Variants in TMEM43 observed in about 807,000 individuals in gnomAD.
TMEM43 encodes the protein transmembrane protein 43, also known as arrhythmogenic right ventricular dysplasia 5.
Under a neutral mutation model 49.6 loss-of-function variants are expected in TMEM43, and 45 were observed. The ratio of observed to expected loss-of-function variants is 0.91; its 90% CI spans 0.71 to 1.16. The LOEUF (loss-of-function observed/expected upper bound fraction) is 1.16. Among genes scored for constraint, TMEM43 ranks in the 50% most tolerant of loss-of-function variants. TMEM43 has a pLI of 0.00. For missense variants in TMEM43, 532 were observed against 516.6 expected (o/e 1.03, Z -0.29); for synonymous variants, 199 against 207.8 (o/e 0.96, Z 0.36).
intron 3 of TMEM43, 129 bp from the exon 4 acceptor site, chr3:14,131,451 G>A (rs1467937419): frequency 3.9e-6 from 3 of 777,740 alleles, no homozygotes; most frequent in African/African-American, 3.4e-5. Flanking sequence ...GCAAAGCAGT[G>A]TAGGGCTCTC....
chr3:14,127,131 C>CGT (rs150040143), intron 1 of TMEM43, among the ~76,000 whole-genome samples: 5 of 151,570 alleles, frequency 3.3e-5, no homozygotes, highest in South Asian at 2.1e-4. Flanking sequence ...TCTGTGTGTG[C>CGT]GTGTGTGTGT....
chr3:14,126,775 C>G (rs1343447233), intron 1 of TMEM43, among the ~76,000 whole-genome samples: 4 of 152,118 alleles, frequency 2.6e-5, no homozygotes, highest in African/African-American at 9.7e-5. Context: ...TTTTTTGATT[C>G]ATCCAGTAGC....
chr3:14,143,057 T>A lies in TMEM43; in HGVS notation c.*1262T>A, dbSNP rs1266042923. 1.3e-5 allele frequency: 2 copies of A among 152,208 alleles called. No homozygotes were observed. The highest frequency in any genetic ancestry group is 4.8e-5 in the African/African-American group (2 of 41,442). The allele number at this position is 152,208 out of a possible 1,614,324, so 9.4% of individuals were successfully genotyped here. A position where few individuals can be genotyped will look rare whatever the true frequency, so the allele number is the denominator to read the frequency against. ...CTGAGTGGTTCTTTCACGTGTTGTG[T>A]CCATAGCTTTAGTCTTCCTAAATAA... On this transcript the variant is annotated 3_prime_UTR_variant, in exon 12 of 12. Transcript: ENST00000306077.
chr3:14,136,041 T>C (rs1340593368), intron 10 of TMEM43, 133 bp downstream of exon 10: 3 of 825,174 alleles, frequency 3.6e-6, no homozygotes, highest in Non-Finnish European at 6.1e-6. Flanking sequence ...TAGCGGAATG[T>C]TGAGTATGCC....
At chr3:14,130,462 C>A (rs115657928) in intron 2 of TMEM43, among the ~76,000 whole-genome samples, 3,547 of 151,974 alleles carry the variant, frequency 0.023, 133 homozygotes, top group African/African-American at 0.081. Flanking sequence ...ATAGCAAGAC[C>A]CCATTTCTAC....
At position 14,131,608 on chromosome 3, in the gene TMEM43, A is replaced by G. The variant is rs1398278496; in HGVS notation, c.326A>G (p.His109Arg). Residue 109 changes from histidine to arginine, a missense_variant, in exon 4 of 12, where the codon CAT (histidine) becomes CGT (arginine). Coordinates refer to ENST00000306077, the MANE Select transcript of TMEM43 (RefSeq NM_024334.3). ...KLLSDPNYGV[H>R]LPAVKLRRHV... ...TTGTCTGATCCAAACTATGGGGTCCATCTTCCGGCTGTGAAACTGCGGAGG... is the reference window on the plus strand; with the variant it reads ...TTGTCTGATCCAAACTATGGGGTCCGTCTTCCGGCTGTGAAACTGCGGAGG... 4 of 1,614,192 alleles carry G rather than the reference A, an allele frequency of 2.5e-6. No individual in the cohort carries two copies. Among genetic ancestry groups the G allele is most frequent in the Admixed American group, 1.7e-5 (1 of 60,028 alleles).
At chr3:14,140,729 A>G (rs1695235950) in intron 11 of TMEM43, among the ~76,000 whole-genome samples, 1 of 152,232 alleles carries the variant, frequency 6.6e-6, no homozygotes, top group Non-Finnish European at 1.5e-5. Context: ...GCTTCATGAG[A>G]TGGTGCACAT....
chr3:14,126,641 A>G (rs1256790198), intron 1 of TMEM43, among the ~76,000 whole-genome samples: 1 of 152,210 alleles, frequency 6.6e-6, no homozygotes, highest in Non-Finnish European at 1.5e-5. Context: ...AATACTTGAA[A>G]ACAAGCCTGT....
At chr3:14,129,160 C>T (rs1695058639) in intron 1 of TMEM43, 1 of 406,044 alleles carries the variant, frequency 2.5e-6, no homozygotes, top group Middle Eastern at 5.3e-4. Context: ...GGAGAATTGG[C>T]AGGAAAGGGG....
intron 1 of TMEM43, among the ~76,000 whole-genome samples, chr3:14,127,778 A>G (rs892359743): frequency 2.0e-5 from 3 of 152,162 alleles, no homozygotes. Flanking sequence ...ATTCATGGAC[A>G]TCTGGTCACT....
rs150859949 is a variant in TMEM43, at chr3:14,131,690, G to A, written c.392+16G>A. The stretch of plus-strand genomic sequence containing the variant: ...AGGAGTCCAGGTGAGCTGTTGGGGT[G>A]AAAACTCTGTTGGGGTAAAGGAGGA... On this transcript the variant is annotated intron_variant, in intron 4 of 11. Transcript: ENST00000306077. 306 of 1,596,142 alleles carry A rather than the reference G, an allele frequency of 1.9e-4. 1 individual carries two copies. The African/African-American group carries it at 3.0e-3, about 15-fold the overall frequency.
chr3:14,127,402 G>A (rs901897050), intron 1 of TMEM43, among the ~76,000 whole-genome samples: 1 of 152,098 alleles, frequency 6.6e-6, no homozygotes, highest in African/African-American at 2.4e-5. Flanking sequence ...AGGAAGACAC[G>A]CCTTATTTTC....
rs367910936 is a variant in TMEM43, at chr3:14,135,170, C to T, written c.718C>T (p.Arg240Cys). Residue 240 changes from arginine (R) to cysteine (C), a missense_variant, in exon 9 of 12, where the codon CGT (arginine) becomes TGT (cysteine). Transcript: ENST00000306077. ...CTTCCACCCCCAGGTGGGAGACTTG[C>T]GTGTCTCCTTTTCCTATGCTGGACT... ...NPKYPEVGDL[R>C]VSFSYAGLSG... 1.9e-4 allele frequency: 303 copies of T among 1,612,324 alleles called. No individual in the cohort carries two copies. Among genetic ancestry groups the T allele is most frequent in the Admixed American group, 2.7e-4 (16 of 60,006 alleles).
Position 14,141,987 on chromosome 3 carries a change from C to G in TMEM43, c.*192C>G. 1 of 609,300 alleles carries G rather than the reference C, an allele frequency of 1.6e-6. No homozygotes were observed. The highest frequency in any genetic ancestry group is 2.8e-5 in the East Asian group (1 of 36,150). The allele number at this position is 609,300 out of a possible 1,614,324, so 37.7% of individuals were successfully genotyped here. A position where few individuals can be genotyped will look rare whatever the true frequency, so the allele number is the denominator to read the frequency against. On this transcript the variant is annotated 3_prime_UTR_variant, in exon 12 of 12. Coordinates refer to ENST00000306077, the MANE Select transcript of TMEM43 (RefSeq NM_024334.3). ...TCACCAGCTCATGTCTTCCCCACAT[C>G]TCTTCTTGCCAGTAAGCAGCTTTGG...
Position 14,130,826 on chromosome 3 carries a change from G to A in TMEM43, c.167G>A (p.Arg56His), listed in dbSNP as rs747164382. ...CCCACTCCCCTTTGCTCCCAGGGCC[G>A]CGCATTGAAGACGGCAACCTCATTG... is the stretch of plus-strand genomic sequence containing the variant. The part of the protein sequence containing the change: ...SFYLIFTNEG[R>H]ALKTATSLAE... The change falls in exon 3 of 12, where the codon CGC becomes CAC. Residue 56 changes from arginine (R) to histidine (H), a missense_variant. Transcript: ENST00000306077. 2.7e-5 allele frequency: 43 copies of A among 1,613,652 alleles called. No homozygotes were observed. Among genetic ancestry groups the A allele is most frequent in the South Asian group, 2.6e-4 (24 of 90,984 alleles).
intron 1 of TMEM43, 101 bp downstream of exon 1, chr3:14,125,306 C>T: frequency 1.4e-6 from 2 of 1,436,200 alleles, no homozygotes; most frequent in African/African-American, 1.4e-5. Flanking sequence ...TGGAGCTCCT[C>T]CGTGCGGCTA....
At chr3:14,132,966 C>G in intron 6 of TMEM43, 31 bp downstream of exon 6, 1 of 1,553,614 alleles carries the variant, frequency 6.4e-7, no homozygotes, top group South Asian at 1.1e-5. Context: ...CTGAGTGCAG[C>G]TTTGTCTACA....
In TMEM43 at chr3:14,141,891, T is replaced by G; in HGVS notation, c.*96T>G. The G allele has an allele frequency of 7.5e-7, 1 of 1,336,626 alleles. No individual in the cohort carries two copies. The highest frequency in any genetic ancestry group is 1.3e-5 in the South Asian group (1 of 76,284). 82.8% of individuals were successfully genotyped at this position (1,336,626 alleles called of 1,614,324 possible). A position where few individuals can be genotyped will look rare whatever the true frequency, so the allele number is the denominator to read the frequency against. Reference sequence around the variant, plus strand: ...CTCCATGCCAGAGCAGGAGCCCCGGTCAATTTTGGACTCTGCACTCCCTCT... The same window carrying G: ...CTCCATGCCAGAGCAGGAGCCCCGGGCAATTTTGGACTCTGCACTCCCTCT... On this transcript the variant is annotated 3_prime_UTR_variant, in exon 12 of 12. Transcript: ENST00000306077.
chr3:14,128,444 C>T (rs1695046957), intron 1 of TMEM43, among the ~76,000 whole-genome samples: 2 of 152,184 alleles, frequency 1.3e-5, no homozygotes, highest in Admixed American at 1.3e-4. Context: ...TTTAGGGATG[C>T]TCTTCCCCTA....
Sources: allele counts gnomAD v4.1 joint callset (sites outside exome capture counted in the v4.1 genomes callset), GRCh38; gene constraint gnomAD v4.1.1; transcripts MANE v1.5; gene names NCBI Gene and HGNC (gene_info 2026-07-23, HGNC 2026-07-21).